The following AP3S1 variants were observed in gnomAD, a reference collection of about 807,000 sequenced individuals.
AP3S1 encodes the protein adaptor related protein complex 3 subunit sigma 1.
Under a neutral mutation model 21.3 loss-of-function variants are expected in AP3S1, and 12 were observed. The observed-to-expected ratio is 0.56, with a 90% CI of 0.36 to 0.91. AP3S1 has a LOEUF of 0.91. Among genes scored for constraint, AP3S1 ranks in the 40% least tolerant of loss-of-function variants. The probability of loss-of-function intolerance (pLI) is 0.01; values close to 1 mark genes in which losing one functional copy is unlikely to be tolerated. For missense variants in AP3S1, 116 were observed against 225.0 expected (o/e 0.52, Z 3.10); for synonymous variants, 48 against 78.4 (o/e 0.61, Z 2.05).
At chr5:115,843,916 G>A (rs1475504368) in intron 1 of AP3S1, among the ~76,000 whole-genome samples, 1 of 152,176 alleles carries the variant, frequency 6.6e-6, no homozygotes, top group Non-Finnish European at 1.5e-5. Flanking sequence ...TGGCAGTTTT[G>A]GCAGGAGTGG....
intron 1 of AP3S1, among the ~76,000 whole-genome samples, chr5:115,856,611 C>T (rs951972570): frequency 6.6e-6 from 1 of 150,646 alleles, no homozygotes; most frequent in Non-Finnish European, 1.5e-5. Context: ...ACTACAGGTG[C>T]CCACCACCAT....
chr5:115,880,316 G>A (rs1338221209), intron 3 of AP3S1, among the ~76,000 whole-genome samples: 1 of 152,056 alleles, frequency 6.6e-6, no homozygotes, highest in Admixed American at 6.6e-5. Flanking sequence ...GATCTTTCCC[G>A]CTTTCTCCTG....
intron 3 of AP3S1, among the ~76,000 whole-genome samples, chr5:115,887,372 T>C (rs983722531): frequency 6.6e-6 from 1 of 152,040 alleles, no homozygotes; most frequent in Non-Finnish European, 1.5e-5. Flanking sequence ...CCCTTTTTTT[T>C]TTTCATTTAT....
Position 115,902,910 on chromosome 5 carries a change from T to G in AP3S1, c.371T>G (p.Val124Gly). 6.2e-7 allele frequency: 1 copy of G among 1,613,332 alleles called. No individual in the cohort carries two copies. Among genetic ancestry groups the G allele is most frequent in the Non-Finnish European group, 8.5e-7 (1 of 1,179,866 alleles). ...DKVHNILAEM[V>G]MGGMVLETNM... Reference sequence around the variant, plus strand: ...GTTCACAATATTCTTGCAGAAATGGTGATGGGGGGAATGGTATTGGAGACA... The same window carrying G: ...GTTCACAATATTCTTGCAGAAATGGGGATGGGGGGAATGGTATTGGAGACA... Residue 124 changes from valine to glycine, a missense_variant, in exon 5 of 6, where the codon GTG becomes GGG. Around this residue, in one of 3 missense-constraint regions of AP3S1, gnomAD observed 65 missense variants for 148.2 expected, o/e 0.44. Coordinates refer to ENST00000316788, the MANE Select transcript of AP3S1 (RefSeq NM_001284.4).
At chr5:115,880,813 C>T (rs1749211494) in intron 3 of AP3S1, among the ~76,000 whole-genome samples, 1 of 151,998 alleles carries the variant, frequency 6.6e-6, no homozygotes, top group African/African-American at 2.4e-5. Flanking sequence ...TAAACTCTCC[C>T]ACTATTATGT....
rs560126006 is a variant in AP3S1 at position 115,886,119 on chromosome 5, ATTAC to A, written c.274-8966_274-8963del. On this transcript the variant is annotated intron_variant, in intron 3 of 5. Transcript: ENST00000316788. ...GTTAGTGGTTAACCTTTTGCTTTAG[ATTAC>A]TCTTCTGCAAATGGTTGATGATAAA... Among the ~76,000 whole-genome samples the A allele has an allele frequency of 5.1e-3, 772 of 152,292 alleles. 2 individuals carry two copies. Among genetic ancestry groups the A allele is most frequent in the South Asian group, 7.2e-3 (35 of 4,828 alleles).
At chr5:115,889,010 T>A (rs1294831201) in intron 3 of AP3S1, among the ~76,000 whole-genome samples, 3 of 152,200 alleles carry the variant, frequency 2.0e-5, no homozygotes, top group Admixed American at 6.5e-5. Context: ...GGCATGTATG[T>A]CTTCCTGGTT....
At chr5:115,884,640 C>G (rs767002662) in intron 3 of AP3S1, among the ~76,000 whole-genome samples, 2 of 152,144 alleles carry the variant, frequency 1.3e-5, no homozygotes, top group Admixed American at 1.3e-4. Context: ...TTTATAAAAG[C>G]CTAGTCTGTT....
At chr5:115,869,185 T>G (rs554917520) in intron 2 of AP3S1, among the ~76,000 whole-genome samples, 68 of 152,342 alleles carry the variant, frequency 4.5e-4, no homozygotes, top group African/African-American at 1.6e-3. Context: ...TCTAAAATAC[T>G]AAAATTCCAG....
Position 115,846,985 on chromosome 5 carries a change from CTT to C in AP3S1, c.69+4881_69+4882del, listed in dbSNP as rs542682053. Among the ~76,000 whole-genome samples, 354 of 152,278 alleles carry C rather than the reference CTT, an allele frequency of 2.3e-3. 1 individual carries two copies. The highest frequency in any genetic ancestry group is 3.9e-3 in the Non-Finnish European group (268 of 68,020). ...AGTATTTGATTCAGCAAATCAATGA[CTT>C]TATTGTAGATCCAATTTCTTTCTCT... is the stretch of plus-strand genomic sequence containing the variant. On this transcript the variant is annotated intron_variant, in intron 1 of 5. Transcript: ENST00000316788.
intron 3 of AP3S1, among the ~76,000 whole-genome samples, chr5:115,892,681 A>G (rs35238578): frequency 0.14 from 22,005 of 152,170 alleles, 2,036 homozygotes; most frequent in East Asian, 0.33. Flanking sequence ...GGTTGGAGAA[A>G]GGTGAAGATG....
intron 1 of AP3S1, among the ~76,000 whole-genome samples, chr5:115,846,592 CAA>C (rs958825414): frequency 7.0e-6 from 1 of 142,724 alleles, no homozygotes; most frequent in African/African-American, 2.6e-5. Flanking sequence ...CATAAAAATA[CAA>C]AGTGTTGAAA....
At chr5:115,872,839 T>TGA (rs1748386208) in intron 3 of AP3S1, among the ~76,000 whole-genome samples, 1 of 152,220 alleles carries the variant, frequency 6.6e-6, no homozygotes, top group East Asian at 1.9e-4. Flanking sequence ...CATTTTATCA[T>TGA]TATGTCAAGA....
chr5:115,912,883 G>T (rs1752213168), intron 5 of AP3S1, among the ~76,000 whole-genome samples: 2 of 151,944 alleles, frequency 1.3e-5, no homozygotes, highest in Admixed American at 6.6e-5. Context: ...TGTTTTAAGG[G>T]TTTATCCCTA....
At chr5:115,891,526 C>G (rs142874495) in intron 3 of AP3S1, among the ~76,000 whole-genome samples, 1 of 152,098 alleles carries the variant, frequency 6.6e-6, no homozygotes, top group African/African-American at 2.4e-5. Flanking sequence ...TTTCTCAGAG[C>G]ACTTTACAGA....
chr5:115,859,004 G>T (rs1762984328), intron 1 of AP3S1, among the ~76,000 whole-genome samples: 1 of 151,896 alleles, frequency 6.6e-6, no homozygotes. Context: ...GGGCAGGTTT[G>T]TTACATAGGT....
At chr5:115,855,475 G>T (rs1762739744) in intron 1 of AP3S1, among the ~76,000 whole-genome samples, 1 of 151,910 alleles carries the variant, frequency 6.6e-6, no homozygotes, top group Non-Finnish European at 1.5e-5. Context: ...GAGTAACTGG[G>T]ACTACAGGCA....
At chr5:115,891,182 A>C (rs1750266510) in intron 3 of AP3S1, among the ~76,000 whole-genome samples, 1 of 152,172 alleles carries the variant, frequency 6.6e-6, no homozygotes, top group Admixed American at 6.5e-5. Flanking sequence ...TTACCTACCA[A>C]AAAATTAAAC....
At chr5:115,909,333 T>C (rs953124410) in intron 5 of AP3S1, among the ~76,000 whole-genome samples, 2 of 152,220 alleles carry the variant, frequency 1.3e-5, no homozygotes, top group African/African-American at 4.8e-5. Flanking sequence ...AAACAAATCA[T>C]ATCCATCCAT....
Sources: gnomAD v4.1 joint callset for allele counts (sites outside exome capture counted in the v4.1 genomes callset) on GRCh38, gnomAD v4.1.1 for gene constraint, gnomAD v4.1.1 regional missense constraint, MANE v1.5 for transcripts, NCBI Gene and HGNC (gene_info 2026-07-23, HGNC 2026-07-21) for gene names.